The following PRKCA variants were observed in gnomAD, a reference collection of about 807,000 sequenced individuals.
PRKCA encodes the protein protein kinase C alpha type.
In PRKCA, 27 loss-of-function variants were observed where a neutral mutation model predicts 87.0. That is an observed-to-expected ratio of 0.31 (90% CI 0.23 to 0.43). PRKCA has a LOEUF of 0.43. Ranked by LOEUF, PRKCA falls within the 20% of genes least tolerant of loss-of-function variation. The probability of loss-of-function intolerance (pLI) is 1.00; values close to 1 mark genes in which losing one functional copy is unlikely to be tolerated. For synonymous variants in PRKCA, 329 were observed against 311.1 expected (o/e 1.06, Z -0.61); for missense variants, 518 against 852.3 (o/e 0.61, Z 4.88).
rs902557791 is a variant in PRKCA, at chr17:66,512,402, A to G, written c.288+16119A>G. On this transcript the variant is annotated intron_variant, in intron 3 of 16. Transcript: ENST00000413366. ...TGTTGCAGTGAGCCAAGATCACACC[A>G]CTGCACTCAGCCTTGATGACAGAGT... Among the ~76,000 whole-genome samples the G allele has an allele frequency of 2.9e-4, 44 of 151,774 alleles. 1 individual carries two copies. The highest frequency in any genetic ancestry group is 2.3e-3 in the Admixed American group (35 of 15,248).
At chr17:66,622,357 ACAGATACGTTTACCAT>A (rs1422626415) in intron 3 of PRKCA, among the ~76,000 whole-genome samples, 2 of 152,244 alleles carry the variant, frequency 1.3e-5, no homozygotes, top group Admixed American at 6.5e-5. Flanking sequence ...CCAATTACAA[ACAGATACGTTTACCAT>A]CAAAATTTTA....
At chr17:66,549,232 G>A (rs1968254458) in intron 3 of PRKCA, among the ~76,000 whole-genome samples, 1 of 151,648 alleles carries the variant, frequency 6.6e-6, no homozygotes, top group Admixed American at 6.6e-5. Context: ...GAGGCTTAGA[G>A]AGATGGATTA....
At chr17:66,542,913 AT>A (rs773602353) in intron 3 of PRKCA, among the ~76,000 whole-genome samples, 5 of 152,200 alleles carry the variant, frequency 3.3e-5, no homozygotes, top group Non-Finnish European at 7.3e-5. Context: ...TCAATGAGGT[AT>A]TTTTCAAGTA....
At chr17:66,356,538 C>T (rs781289593) in intron 2 of PRKCA, among the ~76,000 whole-genome samples, 14 of 151,964 alleles carry the variant, frequency 9.2e-5, no homozygotes, top group Non-Finnish European at 1.9e-4. Flanking sequence ...GGGAGGCTGA[C>T]GCTTGAACCC....
intron 3 of PRKCA, among the ~76,000 whole-genome samples, chr17:66,513,196 T>G (rs958526882): frequency 3.9e-5 from 6 of 152,204 alleles, no homozygotes; most frequent in African/African-American, 1.4e-4. Context: ...GTTGGCTGGA[T>G]GAGTGAATGC....
intron 3 of PRKCA, among the ~76,000 whole-genome samples, chr17:66,512,545 T>G (rs972609537): frequency 1.3e-5 from 2 of 151,822 alleles, no homozygotes; most frequent in African/African-American, 4.8e-5. Context: ...ATCTGGCTCC[T>G]GCACACCTCA....
At chr17:66,364,931 C>G (rs181849484) in intron 2 of PRKCA, among the ~76,000 whole-genome samples, 50 of 152,206 alleles carry the variant, frequency 3.3e-4, no homozygotes, top group African/African-American at 1.0e-3. Flanking sequence ...CATACTGTTT[C>G]AGAACTGAAG....
chr17:66,547,577 C>G (rs1209698169), intron 3 of PRKCA, among the ~76,000 whole-genome samples: 1 of 152,092 alleles, frequency 6.6e-6, no homozygotes, highest in African/African-American at 2.4e-5. Context: ...TAAATGTTCC[C>G]TTGGTAGGTG....
intron 14 of PRKCA, among the ~76,000 whole-genome samples, chr17:66,778,899 A>G (rs371538254): frequency 9.9e-5 from 15 of 152,004 alleles, no homozygotes; most frequent in East Asian, 7.7e-4. Flanking sequence ...TTCTGGTGCA[A>G]TGGCAGGCAC....
intron 8 of PRKCA, among the ~76,000 whole-genome samples, chr17:66,708,573 G>T (rs1973245711): frequency 6.6e-6 from 1 of 152,172 alleles, no homozygotes; most frequent in South Asian, 2.1e-4. Context: ...ATTGTATCAA[G>T]GTGTCTCTGC....
At chr17:66,491,175 T>C (rs1022929640) in intron 2 of PRKCA, among the ~76,000 whole-genome samples, 3 of 152,210 alleles carry the variant, frequency 2.0e-5, no homozygotes, top group Non-Finnish European at 4.4e-5. Flanking sequence ...AGCAGACAAA[T>C]ATCACATAGA....
chr17:66,318,248 A>G (rs889687461), intron 2 of PRKCA, among the ~76,000 whole-genome samples: 19 of 152,238 alleles, frequency 1.2e-4, no homozygotes, highest in African/African-American at 4.3e-4. Context: ...TTAATTAAAA[A>G]ATGAGGCTTT....
chr17:66,712,022 C>A (rs1051857137), intron 8 of PRKCA, among the ~76,000 whole-genome samples: 3 of 152,172 alleles, frequency 2.0e-5, no homozygotes, highest in East Asian at 1.9e-4. Context: ...CCCTCCACCC[C>A]GCCCTTGTCT....
At position 66,567,335 on chromosome 17, in the gene PRKCA, G is replaced by A. The variant is rs1266421798; in HGVS notation, c.288+71052G>A. Among the ~76,000 whole-genome samples the A allele has an allele frequency of 1.3e-5, 2 of 152,228 alleles. 1 individual carries two copies. The highest frequency in any genetic ancestry group is 3.9e-4 in the East Asian group (2 of 5,190). ...CGAACAACTTCTGGAACATTCCAGA[G>A]CGTGGCTTTGTAGCTGGAGAGAGCC... On this transcript the variant is annotated intron_variant, in intron 3 of 16. Transcript: ENST00000413366.
chr17:66,792,096 T>G lies in PRKCA; in HGVS notation c.1854+3117T>G, dbSNP rs1975552976. On this transcript the variant is annotated intron_variant, in intron 16 of 16. Transcript: ENST00000413366. This position sits in a 1 kb window ranked among gnomAD's most constrained non-coding sequence, Gnocchi z 4.5. ...AGTGGCTCTCGCCTCTCAGCAGTTC[T>G]TATAATCCTGGCTCACCAACCTTTT... Among the ~76,000 whole-genome samples, 1 of 152,162 alleles carries G rather than the reference T, an allele frequency of 6.6e-6. No individual in the cohort carries two copies. Among genetic ancestry groups the G allele is most frequent in the Non-Finnish European group, 1.5e-5 (1 of 68,032 alleles).
chr17:66,797,537 C>G (rs1219099139), intron 16 of PRKCA, among the ~76,000 whole-genome samples: 1 of 152,198 alleles, frequency 6.6e-6, no homozygotes, highest in Non-Finnish European at 1.5e-5. Context: ...GTCTGTCCTG[C>G]CTCCTCGCTG....
chr17:66,620,731 GCTCA>G (rs1160302073), intron 3 of PRKCA, among the ~76,000 whole-genome samples: 1 of 152,202 alleles, frequency 6.6e-6, no homozygotes, highest in Non-Finnish European at 1.5e-5. Flanking sequence ...CATACAGATA[GCTCA>G]CTATCGGCAG....
Position 66,803,842 on chromosome 17 carries a change from ACCTTT to A in PRKCA, c.1855-26_1855-22del. On this transcript the variant is annotated intron_variant, in intron 16 of 16. Coordinates refer to ENST00000413366, the MANE Select transcript of PRKCA (RefSeq NM_002737.3). The surrounding 1 kb of genome is among the most constrained non-coding windows in gnomAD (Gnocchi z 4.4). ...TGCTCCCGCATTGTCATGTTGACTG[ACCTTT>A]CCTTCTTTTTGTCTTTTCTCCACAG... The A allele has an allele frequency of 1.2e-6, 2 of 1,609,316 alleles. No individual in the cohort carries two copies. The highest frequency in any genetic ancestry group is 1.7e-6 in the Non-Finnish European group (2 of 1,176,836).
intron 5 of PRKCA, among the ~76,000 whole-genome samples, chr17:66,666,836 CCA>C (rs1972057883): frequency 1.3e-5 from 2 of 151,528 alleles, no homozygotes; most frequent in East Asian, 2.0e-4. Context: ...AATCCCCCCC[CCA>C]CACACAAATT....
Sources: allele counts gnomAD v4.1 joint callset (sites outside exome capture counted in the v4.1 genomes callset), GRCh38; gene constraint gnomAD v4.1.1; non-coding constraint Gnocchi (gnomAD v3.1); transcripts MANE v1.5; gene names NCBI Gene and HGNC (gene_info 2026-07-23, HGNC 2026-07-21).